MAGI2: variants seen among roughly 807,000 people sequenced by gnomAD.
MAGI2 encodes the protein membrane-associated guanylate kinase, WW and PDZ domain-containing protein 2.
In MAGI2, 35 loss-of-function variants were observed where a neutral mutation model predicts 133.3. That is an observed-to-expected ratio of 0.26 (90% CI 0.20 to 0.35). The LOEUF (loss-of-function observed/expected upper bound fraction) is 0.35, where lower values mean the gene tolerates loss of function less well. Ranked by LOEUF, MAGI2 falls within the 10% of genes least tolerant of loss-of-function variation. The pLI, the probability that MAGI2 is intolerant of heterozygous loss-of-function variation, is 1.00. For missense variants in MAGI2, 1,636 were observed against 1,863.4 expected (o/e 0.88, Z 2.25); for synonymous variants, 729 against 710.6 (o/e 1.03, Z -0.41).
intron 1 of MAGI2, among the ~76,000 whole-genome samples, chr7:79,107,419 C>T (rs1349631615): frequency 1.3e-5 from 2 of 152,182 alleles, no homozygotes; most frequent in South Asian, 4.1e-4. Context: ...TGGATTCTCC[C>T]CTAGAAGCCC....
intron 1 of MAGI2, among the ~76,000 whole-genome samples, chr7:79,429,311 T>G (rs181115350): frequency 4.6e-4 from 70 of 152,246 alleles, no homozygotes; most frequent in African/African-American, 1.6e-3. Context: ...TACTTTTTTT[T>G]TTGTTTTTTG....
At chr7:79,372,166 T>A (rs1364370819) in intron 1 of MAGI2, among the ~76,000 whole-genome samples, 1 of 152,076 alleles carries the variant, frequency 6.6e-6, no homozygotes, top group Non-Finnish European at 1.5e-5. Context: ...GACCAACGCA[T>A]GGGAGATTTC....
At chr7:79,287,084 C>T (rs1836067163) in intron 1 of MAGI2, among the ~76,000 whole-genome samples, 1 of 152,074 alleles carries the variant, frequency 6.6e-6, no homozygotes, top group Admixed American at 6.6e-5. Context: ...CTATCTGTGT[C>T]CTTCAGTACC....
chr7:79,210,139 C>A (rs1829384795), intron 1 of MAGI2, among the ~76,000 whole-genome samples: 1 of 151,848 alleles, frequency 6.6e-6, no homozygotes, highest in Non-Finnish European at 1.5e-5. Flanking sequence ...GTTGAATTTT[C>A]CTGTTGGCAT....
At position 79,085,126 on chromosome 7, in the gene MAGI2, G is replaced by A. The variant is rs1443733766; in HGVS notation, c.302-77920C>T. On this transcript the variant is annotated intron_variant, in intron 1 of 21. Transcript: ENST00000354212. ...TTGTGAGTACATTGCTATGCTTGAT[G>A]ATTTTCCACAGTTTTCTAAGTCTCT... Among the ~76,000 whole-genome samples, 7 of 151,752 alleles carry A rather than the reference G, an allele frequency of 4.6e-5. No individual in the cohort carries two copies. In the East Asian group the frequency reaches 1.4e-3, roughly 29 times the overall value.
At chr7:78,142,345 G>A (rs1244071058) in intron 16 of MAGI2, among the ~76,000 whole-genome samples, 1 of 152,122 alleles carries the variant, frequency 6.6e-6, no homozygotes, top group Non-Finnish European at 1.5e-5. Context: ...GTCTGCCGTG[G>A]AAGGTGTAAA....
At chr7:78,589,818 G>C (rs180967203) in intron 3 of MAGI2, among the ~76,000 whole-genome samples, 2 of 152,310 alleles carry the variant, frequency 1.3e-5, no homozygotes, top group Admixed American at 1.3e-4. Context: ...TATGGAAAGA[G>C]TAATGCAGTC....
At position 78,340,383 on chromosome 7, in the gene MAGI2, A is replaced by G. The variant is rs1413429182; in HGVS notation, c.1408+3395T>C. ...GCTGAATTCTATCAGAGATACAAAG[A>G]GGAGATGGTACCATTCCTTCTGAAA... On this transcript the variant is annotated intron_variant, in intron 9 of 21. Coordinates refer to ENST00000354212, the MANE Select transcript of MAGI2 (RefSeq NM_012301.4). 2.6e-5 allele frequency among the ~76,000 whole-genome samples: 4 copies of G among 152,228 alleles called. No homozygotes were observed. In the East Asian group the frequency reaches 7.7e-4, roughly 29 times the overall value.
intron 1 of MAGI2, among the ~76,000 whole-genome samples, chr7:79,246,613 A>C (rs942917525): frequency 6.6e-6 from 1 of 152,150 alleles, no homozygotes; most frequent in Admixed American, 6.5e-5. Context: ...AGAGGAGATA[A>C]AGGAAAAAAG....
intron 6 of MAGI2, among the ~76,000 whole-genome samples, chr7:78,383,900 C>T (rs192331793): frequency 1.3e-5 from 2 of 152,208 alleles, no homozygotes; most frequent in Admixed American, 6.5e-5. Flanking sequence ...TATCAGCTAG[C>T]TGTAAATATG....
At chr7:78,727,354 C>T (rs1418162082) in intron 2 of MAGI2, among the ~76,000 whole-genome samples, 3 of 152,176 alleles carry the variant, frequency 2.0e-5, no homozygotes, top group Non-Finnish European at 2.9e-5. Flanking sequence ...ACTTGATTCT[C>T]AGAATATGCA....
At chr7:78,704,692 A>G (rs922547057) in intron 2 of MAGI2, among the ~76,000 whole-genome samples, 1 of 151,962 alleles carries the variant, frequency 6.6e-6, no homozygotes, top group African/African-American at 2.4e-5. Context: ...AAGTTAGTAT[A>G]TATACACCGT....
chr7:78,368,774 A>G (rs1162588694), intron 7 of MAGI2, among the ~76,000 whole-genome samples: 1 of 152,168 alleles, frequency 6.6e-6, no homozygotes, highest in Non-Finnish European at 1.5e-5. Flanking sequence ...CAACTAAAAA[A>G]TATGTCTGAT....
rs527782942 is a variant in MAGI2 at position 78,730,718 on chromosome 7, A to G, written c.419-103479T>C. 2.0e-4 allele frequency among the ~76,000 whole-genome samples: 31 copies of G among 152,250 alleles called. No homozygotes were observed. The South Asian group carries it at 6.2e-3, about 31-fold the overall frequency. ...AAACAAACATAAAGTAGTACCATATATTTATTATATAGTGGTCTCCGCTGG... is the reference window on the plus strand; with the variant it reads ...AAACAAACATAAAGTAGTACCATATGTTTATTATATAGTGGTCTCCGCTGG... On this transcript the variant is annotated intron_variant, in intron 2 of 21. Transcript: ENST00000354212.
At chr7:78,616,240 C>T (rs1014209554) in intron 3 of MAGI2, 13 of 152,134 alleles carry the variant, frequency 8.5e-5, no homozygotes, top group African/African-American at 3.1e-4. Flanking sequence ...ATTGCAGGAC[C>T]TTTCTACCTC....
chr7:79,268,808 A>G (rs76751062), intron 1 of MAGI2, among the ~76,000 whole-genome samples: 3,700 of 152,216 alleles, frequency 0.024, 153 homozygotes, highest in African/African-American at 0.083. Flanking sequence ...CATAACAGCT[A>G]ATTTCACAGG....
chr7:78,655,232 A>C (rs1374648608), intron 2 of MAGI2, among the ~76,000 whole-genome samples: 1 of 151,994 alleles, frequency 6.6e-6, no homozygotes, highest in East Asian at 1.9e-4. Context: ...ACCTATTGTC[A>C]AAACCTGGAA....
intron 1 of MAGI2, among the ~76,000 whole-genome samples, chr7:79,046,303 G>T (rs550447939): frequency 1.3e-5 from 2 of 152,056 alleles, no homozygotes; most frequent in Non-Finnish European, 2.9e-5. Context: ...GTCCTTAAAG[G>T]AAGACACACA....
intron 1 of MAGI2, among the ~76,000 whole-genome samples, chr7:79,406,949 C>T (rs1243852660): frequency 6.6e-6 from 1 of 152,076 alleles, no homozygotes; most frequent in Non-Finnish European, 1.5e-5. Context: ...CATGTTAATA[C>T]CAGCTTTCTA....
Sources: gnomAD v4.1 joint callset for allele counts (sites outside exome capture counted in the v4.1 genomes callset) on GRCh38, gnomAD v4.1.1 for gene constraint, MANE v1.5 for transcripts, NCBI Gene and HGNC (gene_info 2026-07-23, HGNC 2026-07-21) for gene names.